TTLL1: variants seen among roughly 807,000 people sequenced by gnomAD.
The protein encoded by TTLL1 is TTL family tubulin polyglutamylase complex subunit L1.
TTLL1 carries 33 observed loss-of-function variants against 47.8 expected under a neutral mutation model. The observed-to-expected ratio is 0.69, with a 90% confidence interval of 0.52 to 0.92. The LOEUF is 0.92. TTLL1 is among the 40% of genes least tolerant of loss of function. The pLI, the probability that TTLL1 is intolerant of heterozygous loss-of-function variation, is 0.00. For synonymous variants in TTLL1, 225 were observed against 214.1 expected (o/e 1.05, Z -0.45); for missense variants, 488 against 547.5 (o/e 0.89, Z 1.08).
intron 9 of TTLL1, 120 bp downstream of exon 9, chr22:43,051,681 C>T (rs972120986): frequency 3.3e-6 from 3 of 921,616 alleles, no homozygotes; most frequent in Non-Finnish European, 5.4e-6. Context: ...GAACATCAGT[C>T]CCCTTCCTGC....
intron 2 of TTLL1, among the ~76,000 whole-genome samples, chr22:43,076,567 C>T (rs972411159): frequency 2.0e-4 from 31 of 151,482 alleles, no homozygotes; most frequent in East Asian, 1.4e-3. Flanking sequence ...CTGGCTAACA[C>T]GGTGAAACCC....
chr22:43,086,584 G>A (rs1929242822), intron 1 of TTLL1, among the ~76,000 whole-genome samples: 1 of 152,176 alleles, frequency 6.6e-6, no homozygotes. Context: ...GGGGCGAGGA[G>A]CACAGGAGAC....
chr22:43,041,354 G>A (rs1480139726), intron 10 of TTLL1: 1 of 152,186 alleles, frequency 6.6e-6, no homozygotes, highest in African/African-American at 2.4e-5. Flanking sequence ...TGCTAATCAT[G>A]TGGACTTCTG....
rs529751527 is a variant in TTLL1, at chr22:43,044,288, C to T, written c.1142+2122G>A. Among the ~76,000 whole-genome samples the T allele has an allele frequency of 3.3e-5, 5 of 152,264 alleles. No homozygotes were observed. The East Asian group carries it at 9.6e-4, about 29-fold the overall frequency. ...CACCCCTGAAGTTCACAGCCACTACCCTGTAGAGGCCCCGAGGTTGCCGGC... is the reference window on the plus strand; with the variant it reads ...CACCCCTGAAGTTCACAGCCACTACTCTGTAGAGGCCCCGAGGTTGCCGGC... On this transcript the variant is annotated intron_variant, in intron 10 of 10. Transcript: ENST00000266254.
At chr22:43,070,105 A>G in intron 3 of TTLL1, 2 of 1,350,658 alleles carry the variant, frequency 1.5e-6, no homozygotes, top group East Asian at 2.7e-5. Flanking sequence ...CAGGCACTCA[A>G]TAGATGTTTA....
intron 5 of TTLL1, among the ~76,000 whole-genome samples, chr22:43,067,688 A>G (rs959047444): frequency 6.6e-6 from 1 of 152,058 alleles, no homozygotes; most frequent in African/African-American, 2.4e-5. Context: ...ACCACAGAAC[A>G]GGCCAGGAAC....
At chr22:43,043,290 A>G (rs7349054) in intron 10 of TTLL1, among the ~76,000 whole-genome samples, 19,957 of 151,926 alleles carry the variant, frequency 0.13, 1,772 homozygotes, top group East Asian at 0.39. Context: ...CACTCCCTCA[A>G]GAAGTCCACA....
intron 1 of TTLL1, among the ~76,000 whole-genome samples, chr22:43,087,656 G>T (rs191505895): frequency 1.6e-3 from 246 of 151,578 alleles, no homozygotes; most frequent in African/African-American, 5.5e-3. Context: ...TGGCCAACAT[G>T]GTGAAACCCT....
chr22:43,064,081 C>T, intron 6 of TTLL1, 109 bp downstream of exon 6: 2 of 1,531,418 alleles, frequency 1.3e-6, no homozygotes, highest in East Asian at 2.3e-5. Flanking sequence ...TGCCCCGTGC[C>T]AGGCACCGCA....
At chr22:43,059,565 T>C in intron 7 of TTLL1, 38 bp from the exon 8 acceptor site, 4 of 1,595,608 alleles carry the variant, frequency 2.5e-6, no homozygotes, top group Non-Finnish European at 3.4e-6. Flanking sequence ...CCTCAGGCTA[T>C]GCACCCCAGA....
rs1927988914 is a variant in TTLL1, at chr22:43,069,736, C to T, written c.222G>A (p.Lys74=). ...HFPNHYELTR[K]DLMVKNIKRY... is the part of the protein sequence containing the mutation. The stretch of plus-strand genomic sequence containing the variant: ...TTTTGATGTTCTTCACCATCAGGTC[C>T]TTCCGGGTCAGTTCATAGTGGTTTG... Residue 74 remains lysine, a synonymous_variant, in exon 4 of 11, where the codon AAG becomes AAA. Coordinates refer to ENST00000266254, the MANE Select transcript of TTLL1 (RefSeq NM_012263.5). 6.2e-7 allele frequency: 1 copy of T among 1,614,210 alleles called. No individual in the cohort carries two copies. The highest frequency in any genetic ancestry group is 8.5e-7 in the Non-Finnish European group (1 of 1,180,046).
chr22:43,072,445 C>T (rs1016932154), intron 3 of TTLL1, among the ~76,000 whole-genome samples: 5 of 151,830 alleles, frequency 3.3e-5, no homozygotes, highest in East Asian at 2.0e-4. Context: ...TGAGCCACCG[C>T]GCCTGGCCAC....
Position 43,064,282 on chromosome 22 carries a change from G to C in TTLL1, c.546C>G (p.Leu182=), listed in dbSNP as rs747105263. ...CAATTAGTAACGGGTTGTTAATATA[G>C]AGAGAGATCACGTAGGCTTCCTTAT... ...QSNKEAYVIS[L]YINNPLLIGG... is the part of the protein sequence containing the mutation. The change falls in exon 6 of 11, where the codon CTC becomes CTG. Residue 182 remains leucine (L), a synonymous_variant. Coordinates refer to ENST00000266254, the MANE Select transcript of TTLL1 (RefSeq NM_012263.5). 5.6e-6 allele frequency: 9 copies of C among 1,613,946 alleles called. No individual in the cohort carries two copies. Among genetic ancestry groups the C allele is most frequent in the African/African-American group, 1.3e-5 (1 of 74,908 alleles).
chr22:43,045,986 C>T (rs537911880), intron 10 of TTLL1, among the ~76,000 whole-genome samples: 2 of 152,186 alleles, frequency 1.3e-5, no homozygotes, highest in East Asian at 1.9e-4. Flanking sequence ...TTTGGGAGGC[C>T]GAGGTGGGAG....
chr22:43,060,416 C>T (rs375420900), intron 7 of TTLL1, among the ~76,000 whole-genome samples: 236 of 152,336 alleles, frequency 1.5e-3, no homozygotes, highest in African/African-American at 5.0e-3. Context: ...CAGCGCCCCA[C>T]GGTGGGCAGA....
chr22:43,053,133 C>T (rs1326370754), intron 8 of TTLL1, among the ~76,000 whole-genome samples: 2 of 152,144 alleles, frequency 1.3e-5, no homozygotes, highest in Non-Finnish European at 2.9e-5. Flanking sequence ...TTCCTGGGCC[C>T]TCCCCAGCCT....
At chr22:43,052,540 G>C (rs1228858920) in intron 8 of TTLL1, among the ~76,000 whole-genome samples, 1 of 151,948 alleles carries the variant, frequency 6.6e-6, no homozygotes, top group Non-Finnish European at 1.5e-5. Context: ...AGGAGTTTGA[G>C]ACCAGCCTGA....
Position 43,046,439 on chromosome 22 carries a change from A to T in TTLL1, c.1113T>A (p.Pro371=), listed in dbSNP as rs780261863. The change falls in exon 10 of 11, where the codon CCT becomes CCA. Residue 371 remains proline (P), a synonymous_variant. Coordinates refer to ENST00000266254, the MANE Select transcript of TTLL1 (RefSeq NM_012263.5). ...TCTCGTAATTGCCGAGGACTTCCTT[A>T]GGTGGCGACTTGTTCCATTTGCAGT... is the stretch of plus-strand genomic sequence containing the variant. The part of the protein sequence containing the change: ...IPDCKWNKSP[P]KEVLGNYEIL... The T allele has an allele frequency of 6.2e-7, 1 of 1,614,098 alleles. No individual in the cohort carries two copies. Among genetic ancestry groups the T allele is most frequent in the African/African-American group, 1.3e-5 (1 of 75,024 alleles).
chr22:43,056,080 A>G (rs1177825494), intron 8 of TTLL1, among the ~76,000 whole-genome samples: 1 of 151,832 alleles, frequency 6.6e-6, no homozygotes, highest in Non-Finnish European at 1.5e-5. Context: ...ATGTTCATAC[A>G]GCCAGGCACA....
Sources: allele counts gnomAD v4.1 joint callset (sites outside exome capture counted in the v4.1 genomes callset), GRCh38; gene constraint gnomAD v4.1.1; transcripts MANE v1.5; gene names NCBI Gene and HGNC (gene_info 2026-07-23, HGNC 2026-07-21).